ERBIN: variants seen among roughly 807,000 people sequenced by gnomAD.
ERBIN encodes the protein densin-180-like protein.
A neutral mutation model predicts 158.4 loss-of-function variants in ERBIN; 60 were observed. The observed-to-expected ratio is 0.38, with a 90% CI of 0.31 to 0.47. The LOEUF (loss-of-function observed/expected upper bound fraction) is 0.47. Among genes scored for constraint, ERBIN ranks in the 20% least tolerant of loss-of-function variants. The pLI is 0.99. For missense variants in ERBIN, 1,610 were observed against 1,648.0 expected, an observed-to-expected ratio of 0.98 and a Z score of 0.40; for synonymous variants, 594 against 557.2, an observed-to-expected ratio of 1.07 and a Z score of -0.93.
Position 66,082,152 on chromosome 5 carries a change from C to G in ERBIN, c.*3622C>G, listed in dbSNP as rs1370251294. ...AGAATCTGTGGTCAGCTATAACGTACAGTCCTAATATCCAACCACCTGAGA... is the reference window on the plus strand; with the variant it reads ...AGAATCTGTGGTCAGCTATAACGTAGAGTCCTAATATCCAACCACCTGAGA... On this transcript the variant is annotated 3_prime_UTR_variant, in exon 26 of 26. Coordinates refer to ENST00000284037, the MANE Select transcript of ERBIN (RefSeq NM_001253697.2). 1.3e-5 allele frequency: 2 copies of G among 152,120 alleles called. No homozygotes were observed. Among genetic ancestry groups the G allele is most frequent in the Non-Finnish European group, 2.9e-5 (2 of 68,028 alleles). 9.4% of individuals were successfully genotyped at this position (152,120 alleles called of 1,614,324 possible). A position where few individuals can be genotyped will look rare whatever the true frequency, so the allele number is the denominator to read the frequency against.
At chr5:65,941,560 A>G (rs980050138) in intron 1 of ERBIN, among the ~76,000 whole-genome samples, 4 of 152,120 alleles carry the variant, frequency 2.6e-5, no homozygotes, top group East Asian at 1.9e-4. Context: ...GACTGTAATT[A>G]TGTATATCAT....
chr5:66,043,276 C>T (rs895440861), intron 16 of ERBIN, 78 bp downstream of exon 16: 15 of 1,387,084 alleles, frequency 1.1e-5, no homozygotes, highest in African/African-American at 1.5e-5. Flanking sequence ...ACTATGATGT[C>T]TGGGGATATA....
chr5:65,939,861 C>CA (rs1377381972), intron 1 of ERBIN, among the ~76,000 whole-genome samples: 43 of 151,824 alleles, frequency 2.8e-4, no homozygotes, highest in African/African-American at 9.7e-4. Context: ...CAATGGTGCC[C>CA]AGGCTGGAGT....
intron 11 of ERBIN, 46 bp downstream of exon 11, chr5:66,025,598 G>A (rs745765509): frequency 1.0e-5 from 14 of 1,369,456 alleles, no homozygotes; most frequent in Admixed American, 9.2e-5. Context: ...TTTACTTTCA[G>A]TTCAGCATGC....
chr5:66,018,509 T>TA (rs1755158071), intron 7 of ERBIN, among the ~76,000 whole-genome samples: 1 of 8,856 alleles, frequency 1.1e-4, no homozygotes, highest in Non-Finnish European at 1.9e-4. Context: ...ATATATATTA[T>TA]ATATTATATA....
rs766013728 is a variant in ERBIN, at chr5:66,043,074, T to C, written c.1307-3T>C. On this transcript the variant is annotated splice_polypyrimidine_tract_variant and splice_region_variant and intron_variant, in intron 15 of 25. Transcript: ENST00000284037. The stretch of plus-strand genomic sequence containing the variant: ...TAGGTTTTTGTTTTTTACTTTTCTC[T>C]AGTTATGTTTATATCAGATAATGAA... 2 of 1,579,496 alleles carry C rather than the reference T, an allele frequency of 1.3e-6. No individual in the cohort carries two copies. Among genetic ancestry groups the C allele is most frequent in the South Asian group, 2.3e-5 (2 of 87,556 alleles).
intron 1 of ERBIN, among the ~76,000 whole-genome samples, chr5:65,940,338 C>A (rs1236663628): frequency 6.8e-6 from 1 of 146,322 alleles, no homozygotes; most frequent in African/African-American, 2.6e-5. Context: ...AAGTGAGGAG[C>A]CCCTCCGCCC....
At chr5:65,950,355 GA>G (rs1746354279) in intron 1 of ERBIN, among the ~76,000 whole-genome samples, 10 of 152,120 alleles carry the variant, frequency 6.6e-5, no homozygotes, top group Non-Finnish European at 1.3e-4. Flanking sequence ...TCATGACTTT[GA>G]TTTTTGAAGA....
chr5:65,949,829 CTT>C (rs1427305424), intron 1 of ERBIN, among the ~76,000 whole-genome samples: 1 of 152,122 alleles, frequency 6.6e-6, no homozygotes, highest in East Asian at 1.9e-4. Flanking sequence ...AGTTTTATGT[CTT>C]TTATTTTTTT....
chr5:66,061,831 G>A (rs910979605), intron 21 of ERBIN, among the ~76,000 whole-genome samples: 5 of 152,156 alleles, frequency 3.3e-5, no homozygotes, highest in Admixed American at 3.3e-4. Flanking sequence ...ATGAAATTCT[G>A]GGTTGAAAAT....
chr5:66,048,904 T>C, intron 19 of ERBIN, 123 bp downstream of exon 19: 1 of 564,858 alleles, frequency 1.8e-6, no homozygotes, highest in Non-Finnish European at 3.0e-6. Context: ...TTTTTAGACA[T>C]GGCTTTCTGA....
intron 21 of ERBIN, among the ~76,000 whole-genome samples, chr5:66,062,927 G>C (rs936201579): frequency 8.5e-5 from 13 of 152,178 alleles, no homozygotes; most frequent in Admixed American, 3.3e-4. Flanking sequence ...GTACCTGGCC[G>C]TGTGAGGTGT....
At chr5:65,987,056 T>G (rs1193161782) in intron 1 of ERBIN, among the ~76,000 whole-genome samples, 1 of 152,214 alleles carries the variant, frequency 6.6e-6, no homozygotes, top group Admixed American at 6.5e-5. Flanking sequence ...TGGTGTCAGA[T>G]GTATTTGCTC....
intron 21 of ERBIN, among the ~76,000 whole-genome samples, chr5:66,063,219 C>T (rs1760623703): frequency 6.6e-6 from 1 of 152,240 alleles, no homozygotes; most frequent in Non-Finnish European, 1.5e-5. Context: ...CTTTGGTTAC[C>T]TACTCAAGCC....
intron 17 of ERBIN, among the ~76,000 whole-genome samples, chr5:66,045,462 G>T (rs185457947): frequency 1.4e-4 from 21 of 145,956 alleles, no homozygotes; most frequent in African/African-American, 5.5e-4. Flanking sequence ...TATACATATA[G>T]TGTATGTATA....
chr5:66,027,554 C>T (rs1472561489), intron 13 of ERBIN, among the ~76,000 whole-genome samples: 2 of 151,926 alleles, frequency 1.3e-5, no homozygotes, highest in Non-Finnish European at 2.9e-5. Flanking sequence ...GAACGTGTAC[C>T]AACTTTCCCA....
At chr5:65,930,456 C>T (rs181354381) in intron 1 of ERBIN, among the ~76,000 whole-genome samples, 10 of 152,168 alleles carry the variant, frequency 6.6e-5, no homozygotes, top group African/African-American at 1.9e-4. Flanking sequence ...TAGAGGCGCC[C>T]GCCACTGTGC....
At chr5:66,009,769 C>A (rs192920837) in intron 4 of ERBIN, among the ~76,000 whole-genome samples, 1 of 152,104 alleles carries the variant, frequency 6.6e-6, no homozygotes, top group Non-Finnish European at 1.5e-5. Flanking sequence ...GAAACATCTC[C>A]CACATTCCTA....
intron 22 of ERBIN, 135 bp downstream of exon 22, chr5:66,072,426 A>T (rs1016572800): frequency 1.2e-5 from 10 of 833,514 alleles, no homozygotes; most frequent in African/African-American, 1.8e-5. Flanking sequence ...AAGGATTTTT[A>T]AAATATCAGA....
Sources: gnomAD v4.1 joint callset for allele counts (sites outside exome capture counted in the v4.1 genomes callset) on GRCh38, gnomAD v4.1.1 for gene constraint, MANE v1.5 for transcripts, NCBI Gene and HGNC (gene_info 2026-07-23, HGNC 2026-07-21) for gene names.